The following SETDB2 variants were observed in gnomAD, a reference collection of about 807,000 sequenced individuals.
The protein encoded by SETDB2 is histone-lysine N-methyltransferase SETDB2.
In SETDB2, 56 loss-of-function variants were observed where a neutral mutation model predicts 82.5. The observed-to-expected ratio is 0.68, with a 90% CI of 0.55 to 0.85. The LOEUF (loss-of-function observed/expected upper bound fraction) is 0.85. Among genes scored for constraint, SETDB2 ranks in the 40% least tolerant of loss-of-function variants. The pLI is 0.00. For missense variants in SETDB2, 677 were observed against 816.4 expected (o/e 0.83, Z 2.08); for synonymous variants, 272 against 284.9 (o/e 0.95, Z 0.46).
chr13:49,486,281 G>T (rs150461339), intron 11 of SETDB2, among the ~76,000 whole-genome samples: 1 of 146,466 alleles, frequency 6.8e-6, no homozygotes, highest in South Asian at 2.2e-4. Context: ...TGCAGCCTGG[G>T]CGATAGAACA....
chr13:49,458,326 C>T (rs546506326), intron 2 of SETDB2, among the ~76,000 whole-genome samples: 60 of 152,144 alleles, frequency 3.9e-4, no homozygotes, highest in Non-Finnish European at 7.3e-4. Context: ...TCTCCTGTCT[C>T]GGTCTCCTAA....
At chr13:49,486,613 G>A (rs1400751773) in intron 11 of SETDB2, among the ~76,000 whole-genome samples, 7 of 152,274 alleles carry the variant, frequency 4.6e-5, no homozygotes, top group East Asian at 3.9e-4. Flanking sequence ...CTTTGTAGAC[G>A]CCTTTAAAAA....
At chr13:49,460,612 T>C (rs998391714) in intron 3 of SETDB2, among the ~76,000 whole-genome samples, 5 of 151,974 alleles carry the variant, frequency 3.3e-5, no homozygotes, top group African/African-American at 1.2e-4. Flanking sequence ...ATTTGTGTTC[T>C]ACATAGGCAG....
intron 1 of SETDB2, chr13:49,446,355 C>T (rs777210150): frequency 4.6e-5 from 21 of 455,728 alleles, no homozygotes; most frequent in Non-Finnish European, 8.4e-5. Flanking sequence ...CTTGAAAGTT[C>T]GTATATGATA....
Position 49,482,741 on chromosome 13 carries a change from A to T in SETDB2, c.1161A>T (p.Arg387Ser). The change falls in exon 9 of 14, where the codon AGA becomes AGT. Residue 387 changes from arginine to serine, a missense_variant. Physicochemically the swap from Arg to Ser is moderately radical, Grantham distance 110. This residue lies in a region of SETDB2 where 420 missense variants were observed against 554.6 expected (regional missense o/e 0.76). Coordinates refer to ENST00000611815, the MANE Select transcript of SETDB2 (RefSeq NM_001160308.3). ...RGTFVCIYSG[R>S]LLSRANTEKS... Reference sequence around the variant, plus strand: ...TCTTTAACATTTTCCTTTTAGGAAGATTACTAAGCAGAGCTAACACTGAAA... The same window carrying T: ...TCTTTAACATTTTCCTTTTAGGAAGTTTACTAAGCAGAGCTAACACTGAAA... The T allele has an allele frequency of 6.3e-7, 1 of 1,599,682 alleles. No homozygotes were observed. Among genetic ancestry groups the T allele is most frequent in the East Asian group, 2.2e-5 (1 of 44,700 alleles).
At chr13:49,444,992 A>G (rs1957632016) in intron 1 of SETDB2, 135 bp downstream of exon 1, 1 of 152,246 alleles carries the variant, frequency 6.6e-6, no homozygotes, top group African/African-American at 2.4e-5. Context: ...AAAGATATGT[A>G]ATTAACTGTG....
At position 49,488,598 on chromosome 13, in the gene SETDB2, A is replaced by T; in HGVS notation, c.1885A>T (p.Thr629Ser). 1 of 1,602,134 alleles carries T rather than the reference A, an allele frequency of 6.2e-7. No individual in the cohort carries two copies. Among genetic ancestry groups the T allele is most frequent in the Non-Finnish European group, 8.5e-7 (1 of 1,174,990 alleles). Reference protein sequence around the residue: ...NKGNVFLLDATKEGNVGRFLN... With the variant: ...NKGNVFLLDASKEGNVGRFLN... ...AGGGAATGTGTTTTTATTGGATGCC[A>T]CAAAAGAAGGAAATGTCGGCCGCTT... The change falls in exon 12 of 14, where the codon ACA becomes TCA. Residue 629 changes from threonine (T) to serine (S), a missense_variant. This residue lies in a region of SETDB2 where 420 missense variants were observed against 554.6 expected (regional missense o/e 0.76). Coordinates refer to ENST00000611815, the MANE Select transcript of SETDB2 (RefSeq NM_001160308.3).
chr13:49,475,593 C>T (rs910088654), intron 5 of SETDB2, among the ~76,000 whole-genome samples: 5 of 151,712 alleles, frequency 3.3e-5, no homozygotes, highest in Non-Finnish European at 7.4e-5. Flanking sequence ...TCCAAGTGAT[C>T]ATCCCACCTC....
At chr13:49,456,582 T>C (rs1957886823) in intron 2 of SETDB2, among the ~76,000 whole-genome samples, 1 of 152,194 alleles carries the variant, frequency 6.6e-6, no homozygotes, top group African/African-American at 2.4e-5. Context: ...GCTCCAGTAT[T>C]CCTTGTAAAT....
intron 5 of SETDB2, among the ~76,000 whole-genome samples, chr13:49,475,182 C>CT (rs957305554): frequency 6.6e-6 from 1 of 152,124 alleles, no homozygotes; most frequent in African/African-American, 2.4e-5. Flanking sequence ...TGCAGGGAAA[C>CT]TCCCCCTTAC....
intron 12 of SETDB2, among the ~76,000 whole-genome samples, chr13:49,489,948 A>T (rs1958678525): frequency 8.2e-6 from 1 of 122,452 alleles, no homozygotes; most frequent in Non-Finnish European, 1.6e-5. Context: ...ATAGCATATT[A>T]TATTCACTGT....
intron 4 of SETDB2, among the ~76,000 whole-genome samples, chr13:49,462,969 A>G (rs931510390): frequency 6.6e-6 from 1 of 152,150 alleles, no homozygotes; most frequent in African/African-American, 2.4e-5. Flanking sequence ...GATAGAAGAC[A>G]GGTTAACAGG....
chr13:49,455,723 T>G (rs1025042619), intron 2 of SETDB2, among the ~76,000 whole-genome samples: 1 of 152,058 alleles, frequency 6.6e-6, no homozygotes, highest in Non-Finnish European at 1.5e-5. Context: ...CACTCAAGTC[T>G]GGAAAACTAC....
chr13:49,475,257 C>T (rs930149670), intron 5 of SETDB2, among the ~76,000 whole-genome samples: 1 of 152,138 alleles, frequency 6.6e-6, no homozygotes, highest in African/African-American at 2.4e-5. Flanking sequence ...GACCTGCACC[C>T]ATGATTCAAT....
At chr13:49,480,081 A>G in intron 6 of SETDB2, 138 bp from the exon 7 acceptor site, 1 of 574,010 alleles carries the variant, frequency 1.7e-6, no homozygotes. Context: ...TTAGGGAAAA[A>G]GCTGATAGTG....
intron 5 of SETDB2, among the ~76,000 whole-genome samples, chr13:49,473,022 A>G (rs1034997061): frequency 2.6e-5 from 4 of 152,188 alleles, no homozygotes; most frequent in Non-Finnish European, 5.9e-5. Flanking sequence ...ATATTGTTCC[A>G]GTAGTGGCTA....
chr13:49,471,935 T>TATATATATATATA (rs561242564), intron 5 of SETDB2, among the ~76,000 whole-genome samples: 43 of 99,758 alleles, frequency 4.3e-4, no homozygotes, highest in East Asian at 9.2e-4. Context: ...TATATATATA[T>TATATATATATATA]TTTTTTTTTT....
chr13:49,480,500 T>C (rs1958456233), intron 7 of SETDB2, among the ~76,000 whole-genome samples, 165 bp downstream of exon 7: 1 of 152,228 alleles, frequency 6.6e-6, no homozygotes, highest in South Asian at 2.1e-4. Flanking sequence ...TTCGTGGAAA[T>C]GGTAGTCAGA....
chr13:49,486,890 G>T (rs971025346), intron 11 of SETDB2, among the ~76,000 whole-genome samples: 1 of 152,104 alleles, frequency 6.6e-6, no homozygotes, highest in Non-Finnish European at 1.5e-5. Flanking sequence ...CCCTGCAACC[G>T]CAGCTCTCCA....
Sources: allele counts gnomAD v4.1 joint callset (sites outside exome capture counted in the v4.1 genomes callset), GRCh38; gene constraint gnomAD v4.1.1; regional missense constraint gnomAD v4.1.1; transcripts MANE v1.5; gene names NCBI Gene and HGNC (gene_info 2026-07-23, HGNC 2026-07-21).